The following PRMT8 variants were observed in gnomAD, a reference collection of about 807,000 sequenced individuals.
The protein encoded by PRMT8 is protein arginine methyltransferase 8.
Under a neutral mutation model 47.1 loss-of-function variants are expected in PRMT8, and 7 were observed. That is an observed-to-expected ratio of 0.15 (90% CI 0.08 to 0.28). The LOEUF is 0.28. PRMT8 is among the 10% of genes least tolerant of loss of function. PRMT8 has a pLI of 1.00. For synonymous variants in PRMT8, 188 were observed against 186.5 expected (o/e 1.01, Z -0.07); for missense variants, 237 against 505.4 (o/e 0.47, Z 5.09).
intron 1 of PRMT8, among the ~76,000 whole-genome samples, chr12:3,397,799 C>T (rs556852578): frequency 3.7e-4 from 57 of 152,206 alleles, no homozygotes; most frequent in African/African-American, 1.3e-3. Context: ...GGCGGGCGCC[C>T]CTCCCCCAGC....
intron 1 of PRMT8, among the ~76,000 whole-genome samples, chr12:3,467,378 G>A (rs1478477293): frequency 6.6e-6 from 1 of 151,860 alleles, no homozygotes; most frequent in Non-Finnish European, 1.5e-5. Context: ...ACAGACACCC[G>A]AGCAGTCTGA....
chr12:3,592,114 G>GT, intron 8 of PRMT8, 117 bp from the exon 9 acceptor site: 1 of 1,234,644 alleles, frequency 8.1e-7, no homozygotes, highest in Non-Finnish European at 1.1e-6. Flanking sequence ...GGGGTGGGTG[G>GT]TTTCAGTGAG....
At chr12:3,390,558 C>G (rs1864183740) in intron 1 of PRMT8, among the ~76,000 whole-genome samples, 1 of 152,166 alleles carries the variant, frequency 6.6e-6, no homozygotes, top group Non-Finnish European at 1.5e-5. Context: ...CTAATAGTAG[C>G]TACCATTACG....
chr12:3,427,667 A>AT (rs1161603473), intron 1 of PRMT8, among the ~76,000 whole-genome samples: 7 of 152,040 alleles, frequency 4.6e-5, no homozygotes, highest in African/African-American at 1.7e-4. Flanking sequence ...TCTTGCATAA[A>AT]TTCTTTTTTT....
intron 1 of PRMT8, among the ~76,000 whole-genome samples, chr12:3,447,716 A>G (rs780412289): frequency 2.0e-5 from 3 of 152,130 alleles, no homozygotes; most frequent in Non-Finnish European, 4.4e-5. Flanking sequence ...TTTTTGGAAT[A>G]ATGAGGAATT....
rs182902626 is a variant in PRMT8 at position 3,516,612 on chromosome 12, G to A, written c.76-23994G>A. ...GTTTGCAGAGAGGGTAATCTGGAGA[G>A]GGCATTCTGAAAAGGTGACATTTGA... On this transcript the variant is annotated intron_variant, in intron 1 of 9. Transcript: ENST00000382622. Among the ~76,000 whole-genome samples the A allele has an allele frequency of 5.9e-3, 906 of 152,294 alleles. 9 individuals are homozygous for A. The highest frequency in any genetic ancestry group is 0.021 in the African/African-American group (857 of 41,556).
chr12:3,454,286 G>A (rs1161350175), intron 1 of PRMT8, among the ~76,000 whole-genome samples: 2 of 152,208 alleles, frequency 1.3e-5, no homozygotes, highest in African/African-American at 4.8e-5. Context: ...CCCAGGACCT[G>A]GTTCCTCAAG....
At chr12:3,568,452 T>C (rs940044327) in intron 4 of PRMT8, among the ~76,000 whole-genome samples, 1 of 152,226 alleles carries the variant, frequency 6.6e-6, no homozygotes, top group Non-Finnish European at 1.5e-5. Context: ...AAGGATGACG[T>C]GATACCACGC....
At chr12:3,381,541 CTT>C in intron 1 of PRMT8, 3 of 1,155,282 alleles carry the variant, frequency 2.6e-6, no homozygotes, top group South Asian at 1.3e-5. Context: ...CTTTTTTCCT[CTT>C]TGTCATCTGC....
rs1391053626 is a variant in PRMT8 at position 3,492,429 on chromosome 12, G to A, written c.75+729G>A. On this transcript the variant is annotated intron_variant, in intron 1 of 9. Coordinates refer to ENST00000382622, the MANE Select transcript of PRMT8 (RefSeq NM_019854.5). This position sits in a 1 kb window ranked among gnomAD's most constrained non-coding sequence, Gnocchi z 7.5. ...CAGCAGCCGAGCCTGCGCGGACTGT[G>A]GGGGCTGCGCGCCGCCGGCTGCAGT... Among the ~76,000 whole-genome samples the A allele has an allele frequency of 1.3e-5, 2 of 152,224 alleles. No individual in the cohort carries two copies. The highest frequency in any genetic ancestry group is 4.8e-5 in the African/African-American group (2 of 41,470).
At chr12:3,591,977 C>T (rs1345842012) in intron 8 of PRMT8, among the ~76,000 whole-genome samples, 6 of 152,124 alleles carry the variant, frequency 3.9e-5, no homozygotes. Flanking sequence ...GGTTGTTTGT[C>T]TTCTGATCCC....
At chr12:3,462,276 G>A (rs1287212342) in intron 1 of PRMT8, among the ~76,000 whole-genome samples, 1 of 151,956 alleles carries the variant, frequency 6.6e-6, no homozygotes, top group South Asian at 2.1e-4. Context: ...CAATAGCAAA[G>A]ACATGGAATC....
intron 1 of PRMT8, among the ~76,000 whole-genome samples, chr12:3,482,687 T>G (rs1865285722): frequency 6.6e-6 from 1 of 152,142 alleles, no homozygotes; most frequent in South Asian, 2.1e-4. Flanking sequence ...GGGGTGTCCT[T>G]TTTACACTTG....
chr12:3,439,383 C>G (rs1173622177), intron 1 of PRMT8, among the ~76,000 whole-genome samples: 3 of 152,170 alleles, frequency 2.0e-5, no homozygotes, highest in Non-Finnish European at 2.9e-5. Context: ...AATGGGCTGT[C>G]AGTCATGTTA....
In PRMT8 at chr12:3,593,031, C is replaced by T. The variant is rs747645497; in HGVS notation, c.1102-68C>T. On this transcript the variant is annotated intron_variant, in intron 9 of 9. Coordinates refer to ENST00000382622, the MANE Select transcript of PRMT8 (RefSeq NM_019854.5). This position sits in a 1 kb window ranked among gnomAD's most constrained non-coding sequence, Gnocchi z 4.8. ...CTGTGGTTCCAGGAGCAGGTGGTGCCAGAGAGTGGGGCTGTGGCTTCATAC... is the reference window on the plus strand; with the variant it reads ...CTGTGGTTCCAGGAGCAGGTGGTGCTAGAGAGTGGGGCTGTGGCTTCATAC... 16 of 1,271,902 alleles carry T rather than the reference C, an allele frequency of 1.3e-5. No homozygotes were observed. Among genetic ancestry groups the T allele is most frequent in the Non-Finnish European group, 1.7e-5 (15 of 874,976 alleles). 78.8% of individuals were successfully genotyped at this position (1,271,902 alleles called of 1,614,324 possible). A position where few individuals can be genotyped will look rare whatever the true frequency, so the allele number is the denominator to read the frequency against.
chr12:3,510,528 G>A (rs1865695038), intron 1 of PRMT8, among the ~76,000 whole-genome samples: 1 of 152,076 alleles, frequency 6.6e-6, no homozygotes, highest in South Asian at 2.1e-4. Flanking sequence ...CTATGAATAT[G>A]TACAGTTATG....
intron 1 of PRMT8, among the ~76,000 whole-genome samples, chr12:3,466,773 G>T (rs1865100490): frequency 6.6e-6 from 1 of 152,092 alleles, no homozygotes; most frequent in Non-Finnish European, 1.5e-5. Flanking sequence ...AAAGGAAAAA[G>T]TTTGTTTAAT....
intron 4 of PRMT8, among the ~76,000 whole-genome samples, chr12:3,568,168 A>G (rs1273626533): frequency 1.3e-5 from 2 of 152,164 alleles, no homozygotes; most frequent in Non-Finnish European, 2.9e-5. Context: ...TGTTAAGAAA[A>G]TCCTAAGGAA....
chr12:3,575,490 T>C (rs548591533), intron 6 of PRMT8, among the ~76,000 whole-genome samples: 1 of 152,326 alleles, frequency 6.6e-6, no homozygotes, highest in South Asian at 2.1e-4. Context: ...AATCTTGCAT[T>C]CCTGGTTGCT....
Sources: gnomAD v4.1 joint callset for allele counts (sites outside exome capture counted in the v4.1 genomes callset) on GRCh38, gnomAD v4.1.1 for gene constraint, Gnocchi (gnomAD v3.1) non-coding constraint, MANE v1.5 for transcripts, NCBI Gene and HGNC (gene_info 2026-07-23, HGNC 2026-07-21) for gene names.